The following OARD1 variants were observed in gnomAD, a reference collection of about 807,000 sequenced individuals.
OARD1 encodes O-acyl-ADP-ribose deacylase 1.
OARD1 carries 19 observed loss-of-function variants against 19.7 expected under a neutral mutation model. That is an observed-to-expected ratio of 0.96 (90% CI 0.67 to 1.41). OARD1 has a LOEUF of 1.41. Among genes scored for constraint, OARD1 ranks in the 40% most tolerant of loss-of-function variants. The pLI, the probability that OARD1 is intolerant of heterozygous loss-of-function variation, is 0.00. For synonymous variants in OARD1, 70 were observed against 61.8 expected, an observed-to-expected ratio of 1.13 and a Z score of -0.62; for missense variants, 190 against 183.8, an observed-to-expected ratio of 1.03 and a Z score of -0.20.
intron 1 of OARD1, chr6:41,091,783 G>A (rs1582034782): frequency 6.9e-7 from 1 of 1,452,738 alleles, no homozygotes; most frequent in East Asian, 2.3e-5. Flanking sequence ...TTGACCTCTT[G>A]GGATTGAGAT....
At chr6:41,069,780 T>C (rs1035933551) in intron 4 of OARD1, 11 of 404,382 alleles carry the variant, frequency 2.7e-5, no homozygotes, top group African/African-American at 2.3e-4. Flanking sequence ...GCCTAGGAAA[T>C]ATAGTATGGC....
chr6:41,090,367 A>G (rs1056925442), intron 1 of OARD1: 2 of 1,014,512 alleles, frequency 2.0e-6, no homozygotes, highest in Admixed American at 1.9e-5. Flanking sequence ...TGTCCCTTAG[A>G]CAACTGACAT....
chr6:41,093,471 C>CTT (rs769282285), intron 1 of OARD1, among the ~76,000 whole-genome samples: 1 of 142,566 alleles, frequency 7.0e-6, no homozygotes. Flanking sequence ...GGTACCCTTT[C>CTT]TTTTTTTTTT....
In OARD1 at chr6:41,091,299, G is replaced by A. The variant is rs567658696; in HGVS notation, c.-42+6414C>T. 2.6e-5 allele frequency among the ~76,000 whole-genome samples: 4 copies of A among 152,310 alleles called. No individual in the cohort carries two copies. In the East Asian group the frequency reaches 7.7e-4, roughly 29 times the overall value. On this transcript the variant is annotated intron_variant, in intron 1 of 4. Transcript: ENST00000480585. ...CCTTTTGAAAACTGCTAAGGATAGA[G>A]TTACTCAAAACTGGGACCTAGACAG...
At chr6:41,077,671 A>G (rs1763778790) in intron 1 of OARD1, among the ~76,000 whole-genome samples, 2 of 152,298 alleles carry the variant, frequency 1.3e-5, no homozygotes, top group African/African-American at 4.8e-5. Flanking sequence ...TTAGTCAACC[A>G]ATTCCAAAGA....
chr6:41,079,107 A>G, intron 1 of OARD1: 1 of 1,614,208 alleles, frequency 6.2e-7, no homozygotes, highest in Middle Eastern at 1.6e-4. Context: ...AGTATACAGC[A>G]AACAGCAATA....
At chr6:41,094,685 T>C (rs148561101) in intron 1 of OARD1, among the ~76,000 whole-genome samples, 1 of 152,270 alleles carries the variant, frequency 6.6e-6, no homozygotes, top group Non-Finnish European at 1.5e-5. Flanking sequence ...TGGTGGCTCA[T>C]GCCTGTAATC....
At chr6:41,092,068 T>C (rs1764211643) in intron 1 of OARD1, among the ~76,000 whole-genome samples, 1 of 152,038 alleles carries the variant, frequency 6.6e-6, no homozygotes, top group Non-Finnish European at 1.5e-5. Context: ...TTGTAATTGA[T>C]AGAGAAACCA....
intron 5 of OARD1, 75 bp from the exon 6 acceptor site, chr6:41,067,512 C>G (rs1763079219): frequency 2.1e-6 from 2 of 963,508 alleles, no homozygotes; most frequent in Non-Finnish European, 3.2e-6. Context: ...TAAGCTATAT[C>G]CACTCAAAGC....
intron 4 of OARD1, chr6:41,069,179 T>C (rs2114051677): frequency 5.7e-6 from 2 of 352,786 alleles, no homozygotes; most frequent in East Asian, 9.9e-5. Context: ...CACGTAGCAA[T>C]CTTTCCTTTT....
chr6:41,065,086 C>T lies in OARD1; in HGVS notation c.*2249G>A, dbSNP rs1177732469. ...GTGTGATAAGTCGTCGGAATTTGAC[C>T]CAAGACTACTATCGGCAAATGACAA... is the stretch of plus-strand genomic sequence containing the variant. On this transcript the variant is annotated 3_prime_UTR_variant, in exon 6 of 6. Coordinates refer to ENST00000424266, the MANE Select transcript of OARD1 (RefSeq NM_001329686.2). 2.0e-5 allele frequency: 3 copies of T among 152,088 alleles called. No individual in the cohort carries two copies. Among genetic ancestry groups the T allele is most frequent in the Non-Finnish European group, 2.9e-5 (2 of 68,008 alleles). 9.4% of individuals were successfully genotyped at this position (152,088 alleles called of 1,614,324 possible). A position where few individuals can be genotyped will look rare whatever the true frequency, so the allele number is the denominator to read the frequency against.
intron 1 of OARD1, chr6:41,089,526 A>G: frequency 6.7e-7 from 1 of 1,496,012 alleles, no homozygotes; most frequent in Non-Finnish European, 8.9e-7. Context: ...TCGGGGACCA[A>G]AGGAGACCAG....
intron 4 of OARD1, chr6:41,069,632 A>C (rs1360728057): frequency 4.7e-6 from 1 of 213,666 alleles, no homozygotes; most frequent in Non-Finnish European, 9.3e-6. Flanking sequence ...AGAGGAGCTA[A>C]GTATTATTTG....
intron 1 of OARD1, among the ~76,000 whole-genome samples, chr6:41,083,063 ATTCTG>A (rs1475769971): frequency 2.0e-5 from 3 of 152,244 alleles, no homozygotes. Context: ...AGTCATGAAT[ATTCTG>A]TTCTAAGTAA....
At position 41,088,189 on chromosome 6, in the gene OARD1, C is replaced by T. The variant is rs190625921; in HGVS notation, c.-42+9524G>A. 3.8e-3 allele frequency among the ~76,000 whole-genome samples: 580 copies of T among 152,018 alleles called. 1 individual carries two copies. Among genetic ancestry groups the T allele is most frequent in the Admixed American group, 7.0e-3 (107 of 15,252 alleles). ...ATCCCAGCACTTTGGGTGGCCGAGG[C>T]GGGTGGATCACAAGGTCAGGAGATC... On this transcript the variant is annotated intron_variant, in intron 1 of 4. Coordinates refer to the OARD1 transcript ENST00000480585.
chr6:41,076,021 C>T (rs972603024), upstream of OARD1, among the ~76,000 whole-genome samples: 22 of 152,262 alleles, frequency 1.4e-4, no homozygotes, highest in African/African-American at 5.3e-4. Context: ...TTGTTGTAGT[C>T]TAGTCTTTCA....
At chr6:41,083,089 A>C (rs1763953238) in intron 1 of OARD1, among the ~76,000 whole-genome samples, 1 of 152,232 alleles carries the variant, frequency 6.6e-6, no homozygotes, top group South Asian at 2.1e-4. Flanking sequence ...TTTCTGTCAA[A>C]GATAGAGTCT....
intron 4 of OARD1, chr6:41,069,836 T>C (rs745575197): frequency 8.8e-5 from 50 of 568,000 alleles, no homozygotes; most frequent in Non-Finnish European, 1.5e-4. Flanking sequence ...CTATGGTACA[T>C]GATACACGAC....
At chr6:41,088,313 C>T (rs1764100996) in intron 1 of OARD1, among the ~76,000 whole-genome samples, 1 of 148,576 alleles carries the variant, frequency 6.7e-6, no homozygotes, top group South Asian at 2.1e-4. Context: ...GTCCCAGCTA[C>T]TCGGGAGGCT....
Sources: gnomAD v4.1 joint callset for allele counts (sites outside exome capture counted in the v4.1 genomes callset) on GRCh38, gnomAD v4.1.1 for gene constraint, MANE v1.5 for transcripts, NCBI Gene and HGNC (gene_info 2026-07-23, HGNC 2026-07-21) for gene names.